Variants in SHISA9 observed in about 807,000 individuals in gnomAD.
SHISA9 encodes the protein shisa family member 9, also known as protein shisa-9.
In SHISA9, 13 loss-of-function variants were observed where a neutral mutation model predicts 38.0. That is an observed-to-expected ratio of 0.34 (90% CI 0.22 to 0.54). SHISA9 has a LOEUF of 0.54. SHISA9 is among the 20% of genes least tolerant of loss of function. The pLI is 0.91. For missense variants in SHISA9, 538 were observed against 575.8 expected (o/e 0.93, Z 0.67); for synonymous variants, 275 against 242.0 (o/e 1.14, Z -1.27).
chr16:13,469,368 A>AG, the SHISA9 span, among the ~76,000 whole-genome samples: 3 of 70,080 alleles, frequency 4.3e-5, no homozygotes, highest in African/African-American at 1.1e-4. Flanking sequence ...GAAAAGAAAA[A>AG]GAAAGAAAGA....
intron 1 of SHISA9, chr16:12,909,190 C>T: frequency 2.0e-6 from 2 of 985,754 alleles, no homozygotes; most frequent in Non-Finnish European, 2.4e-6. Context: ...TCTTTGGGCA[C>T]TGAGTCCTTG....
the SHISA9 span, among the ~76,000 whole-genome samples, chr16:13,328,774 A>G: frequency 1.3e-5 from 2 of 152,152 alleles, no homozygotes; most frequent in Non-Finnish European, 2.9e-5. Context: ...TACCCAGCCT[A>G]GCAACATTTT....
the SHISA9 span, among the ~76,000 whole-genome samples, chr16:13,309,642 C>T: frequency 1.5e-5 from 1 of 65,876 alleles, no homozygotes; most frequent in East Asian, 4.8e-4. Flanking sequence ...GACTCAGTCT[C>T]AAAAAAAAAA....
intron 2 of SHISA9, among the ~76,000 whole-genome samples, chr16:13,152,011 A>G (rs1022885025): frequency 6.6e-6 from 1 of 152,186 alleles, no homozygotes; most frequent in African/African-American, 2.4e-5. Flanking sequence ...ACCTCTAGGG[A>G]TCCATGTGGA....
chr16:13,015,967 TTCCCTTCCCTTCCCTTCCC>T (rs2072749826), intron 2 of SHISA9, among the ~76,000 whole-genome samples: 1 of 39,716 alleles, frequency 2.5e-5, no homozygotes, highest in Non-Finnish European at 6.0e-5. Context: ...TTCCCTTCCC[TTCCCTTCCCTTCCCTTCCC>T]TTCTTTTCTT....
chr16:13,421,830 C>G, the SHISA9 span, among the ~76,000 whole-genome samples: 1 of 152,108 alleles, frequency 6.6e-6, no homozygotes, highest in African/African-American at 2.4e-5. Context: ...TCTTATGTGC[C>G]GTATTTTCCC....
the SHISA9 span, among the ~76,000 whole-genome samples, chr16:13,507,742 C>T: frequency 6.6e-6 from 1 of 152,134 alleles, no homozygotes; most frequent in African/African-American, 2.4e-5. Flanking sequence ...TCAGGTCGGG[C>T]ATGTCTGTGT....
At chr16:13,334,278 G>C in the SHISA9 span, among the ~76,000 whole-genome samples, 3 of 152,206 alleles carry the variant, frequency 2.0e-5, no homozygotes, top group Admixed American at 6.5e-5. Flanking sequence ...TATTGGTGCA[G>C]ATGTCTGGAG....
chr16:13,046,060 G>A lies in SHISA9; in HGVS notation c.691+129245G>A, dbSNP rs149634793. Reference sequence around the variant, plus strand: ...CCAAATGCAATAGCATATTAATCAGGCATCACTGAGGGTCTGTGGTTTGGA... The same window carrying A: ...CCAAATGCAATAGCATATTAATCAGACATCACTGAGGGTCTGTGGTTTGGA... On this transcript the variant is annotated intron_variant, in intron 2 of 4. Coordinates refer to ENST00000558583, the MANE Select transcript of SHISA9 (RefSeq NM_001145204.3). Among the ~76,000 whole-genome samples the A allele has an allele frequency of 1.1e-4, 17 of 152,264 alleles. No homozygotes were observed. The East Asian group carries it at 3.3e-3, about 29-fold the overall frequency.
At chr16:13,140,493 G>A (rs946707269) in intron 2 of SHISA9, among the ~76,000 whole-genome samples, 1 of 151,986 alleles carries the variant, frequency 6.6e-6, no homozygotes, top group South Asian at 2.1e-4. Flanking sequence ...ACTCCTTTCT[G>A]GGGGTACCTA....
At chr16:13,121,933 A>C (rs2050215459) in intron 2 of SHISA9, among the ~76,000 whole-genome samples, 1 of 151,390 alleles carries the variant, frequency 6.6e-6, no homozygotes, top group African/African-American at 2.4e-5. Context: ...TCTCAGCCTG[A>C]GTTTCCTCTT....
At chr16:13,488,389 A>G in the SHISA9 span, among the ~76,000 whole-genome samples, 1 of 152,178 alleles carries the variant, frequency 6.6e-6, no homozygotes, top group Non-Finnish European at 1.5e-5. Flanking sequence ...TTTCTGTGTC[A>G]TCTGGGAAGC....
chr16:13,285,708 A>G, the SHISA9 span, among the ~76,000 whole-genome samples: 2 of 152,134 alleles, frequency 1.3e-5, no homozygotes, highest in African/African-American at 2.4e-5. Flanking sequence ...TGTAAATGTC[A>G]GATAAAGCCA....
the SHISA9 span, among the ~76,000 whole-genome samples, chr16:13,559,105 CTCCT>C: frequency 6.6e-6 from 1 of 152,198 alleles, no homozygotes; most frequent in East Asian, 1.9e-4. Flanking sequence ...TTCTCTCTAG[CTCCT>C]AGAATATATA....
the SHISA9 span, among the ~76,000 whole-genome samples, chr16:13,464,493 T>C: frequency 6.6e-6 from 1 of 152,200 alleles, no homozygotes; most frequent in Non-Finnish European, 1.5e-5. Context: ...TGAATGTGTA[T>C]TTTGATTTTG....
At chr16:13,069,698 A>G (rs146101301) in intron 2 of SHISA9, among the ~76,000 whole-genome samples, 9 of 152,058 alleles carry the variant, frequency 5.9e-5, no homozygotes, top group East Asian at 1.9e-4. Flanking sequence ...TGAGGGTGCT[A>G]TGGTCTCTCA....
the SHISA9 span, among the ~76,000 whole-genome samples, chr16:13,526,555 T>C: frequency 5.3e-3 from 811 of 152,216 alleles, 3 homozygotes; most frequent in African/African-American, 0.019. Context: ...GGCTAATTTT[T>C]GTATTTTTTT....
chr16:13,124,409 C>G (rs1488631549), intron 2 of SHISA9, among the ~76,000 whole-genome samples: 3 of 152,112 alleles, frequency 2.0e-5, no homozygotes, highest in African/African-American at 7.2e-5. Flanking sequence ...GTGTCAGTTC[C>G]CCAAGCCCAA....
At chr16:13,504,466 A>G in the SHISA9 span, among the ~76,000 whole-genome samples, 1 of 152,200 alleles carries the variant, frequency 6.6e-6, no homozygotes, top group Non-Finnish European at 1.5e-5. Context: ...CCAAAGCCAA[A>G]AATAATCCCA....
Sources: allele counts gnomAD v4.1 joint callset (sites outside exome capture counted in the v4.1 genomes callset), GRCh38; gene constraint gnomAD v4.1.1; transcripts MANE v1.5; gene names NCBI Gene and HGNC (gene_info 2026-07-23, HGNC 2026-07-21).